HDAC9: variants seen among roughly 807,000 people sequenced by gnomAD.
HDAC9 encodes the protein histone deacetylase 9.
Under a neutral mutation model 139.4 loss-of-function variants are expected in HDAC9, and 41 were observed. The ratio of observed to expected loss-of-function variants is 0.29; its 90% CI spans 0.23 to 0.38. The LOEUF (loss-of-function observed/expected upper bound fraction) is 0.38. HDAC9 is among the 10% of genes least tolerant of loss of function. HDAC9 has a pLI of 1.00. For missense variants in HDAC9, 1,147 were observed against 1,297.0 expected (o/e 0.88, Z 1.78); for synonymous variants, 517 against 476.2 (o/e 1.09, Z -1.12).
intron 24 of HDAC9, among the ~76,000 whole-genome samples, chr7:18,957,367 G>T (rs888800252): frequency 6.6e-6 from 1 of 152,062 alleles, no homozygotes; most frequent in Non-Finnish European, 1.5e-5. Context: ...CTTCATAATG[G>T]CTTGGGAAAT....
chr7:18,750,163 A>T (rs1788318280), intron 14 of HDAC9, among the ~76,000 whole-genome samples: 1 of 152,218 alleles, frequency 6.6e-6, no homozygotes, highest in African/African-American at 2.4e-5. Flanking sequence ...GAGTTACATC[A>T]ATCTGATCCC....
chr7:18,921,560 T>C (rs1369624998), intron 22 of HDAC9, among the ~76,000 whole-genome samples: 1 of 152,116 alleles, frequency 6.6e-6, no homozygotes, highest in East Asian at 1.9e-4. Context: ...ATGGCAATCA[T>C]TAAAAAGTCA....
intron 11 of HDAC9, among the ~76,000 whole-genome samples, chr7:18,658,256 C>T (rs904417691): frequency 1.3e-5 from 2 of 152,056 alleles, no homozygotes; most frequent in Non-Finnish European, 2.9e-5. Flanking sequence ...TTTCCTAAGG[C>T]CTGGCATATA....
chr7:18,634,699 C>T lies in HDAC9; in HGVS notation c.869C>T (p.Thr290Ile), dbSNP rs1016302897. Residue 290 changes from threonine (T) to isoleucine (I), a missense_variant, in exon 8 of 26, where the codon ACT (threonine) becomes ATT (isoleucine). By Grantham distance (89) the Thr-to-Ile change is moderately conservative. Around this residue, in one of 7 missense-constraint regions of HDAC9, gnomAD observed 264 missense variants for 273.8 expected, o/e 0.96. Transcript: ENST00000686413. ...SPNNGPTGSV[T>I]ENETSVLPPT... ...AACAATGGGCCAACTGGAAGTGTTA[C>T]TGAAAATGAGACTTCGGTTTTGCCC... The T allele has an allele frequency of 1.3e-6, 2 of 1,599,030 alleles. No homozygotes were observed. Among genetic ancestry groups the T allele is most frequent in the East Asian group, 4.5e-5 (2 of 44,276 alleles).
intron 2 of HDAC9, among the ~76,000 whole-genome samples, chr7:18,204,120 T>TA (rs200316321): frequency 2.6e-5 from 4 of 151,950 alleles, no homozygotes; most frequent in Non-Finnish European, 4.4e-5. Context: ...TGGGGAAAGG[T>TA]AAAAAAAATT....
chr7:18,940,376 A>G (rs553009135), intron 23 of HDAC9, among the ~76,000 whole-genome samples: 17 of 152,304 alleles, frequency 1.1e-4, no homozygotes, highest in African/African-American at 4.1e-4. Context: ...TAATTTGAGC[A>G]TGGTACAGGA....
chr7:18,723,629 C>T (rs931262968), intron 12 of HDAC9, among the ~76,000 whole-genome samples: 1 of 152,040 alleles, frequency 6.6e-6, no homozygotes, highest in Non-Finnish European at 1.5e-5. Context: ...TATGATGTAA[C>T]ATTTATAAAA....
At chr7:18,779,565 G>C (rs1001950199) in intron 16 of HDAC9, among the ~76,000 whole-genome samples, 7 of 152,014 alleles carry the variant, frequency 4.6e-5, no homozygotes, top group African/African-American at 1.7e-4. Context: ...ATCCTGCCCA[G>C]CCTGAGTCTG....
intron 14 of HDAC9, among the ~76,000 whole-genome samples, chr7:18,754,645 G>A (rs868184473): frequency 5.3e-5 from 8 of 152,190 alleles, no homozygotes; most frequent in South Asian, 2.1e-4. Flanking sequence ...TGTTTAACTC[G>A]TTTATTCAAG....
In HDAC9 at chr7:18,821,419, A is replaced by T. The variant is rs138773775; in HGVS notation, c.2323-7742A>T. 5.3e-3 allele frequency among the ~76,000 whole-genome samples: 806 copies of T among 152,280 alleles called. 7 individuals carry two copies. The highest frequency in any genetic ancestry group is 0.019 in the African/African-American group (770 of 41,552). On this transcript the variant is annotated intron_variant, in intron 17 of 25. Coordinates refer to ENST00000686413, the MANE Select transcript of HDAC9 (RefSeq NM_178425.4). ...ATTCAGGCAAAGGGAGGGAGTGGGT[A>T]AGTGGAAGACATCCCACATAGAACT... is the stretch of plus-strand genomic sequence containing the variant.
intron 2 of HDAC9, among the ~76,000 whole-genome samples, chr7:18,539,039 G>A (rs117620945): frequency 6.6e-6 from 1 of 152,024 alleles, no homozygotes; most frequent in Admixed American, 6.6e-5. Flanking sequence ...CTACCCTGAT[G>A]ACCTTATCTC....
intron 2 of HDAC9, among the ~76,000 whole-genome samples, chr7:18,499,723 A>G (rs1006298595): frequency 6.6e-6 from 1 of 152,308 alleles, no homozygotes; most frequent in Non-Finnish European, 1.5e-5. Flanking sequence ...AATGTAAGAT[A>G]TATTTACAAT....
intron 2 of HDAC9, among the ~76,000 whole-genome samples, chr7:18,577,964 C>T (rs1826529018): frequency 1.3e-5 from 2 of 152,062 alleles, no homozygotes; most frequent in South Asian, 2.1e-4. Context: ...GCAGCTGTCC[C>T]CTCTCCCCAA....
intron 2 of HDAC9, among the ~76,000 whole-genome samples, chr7:18,245,445 G>A (rs1475534403): frequency 1.3e-5 from 2 of 152,080 alleles, no homozygotes; most frequent in Non-Finnish European, 2.9e-5. Flanking sequence ...AAAAACTCTA[G>A]CTCAGTAGCC....
intron 13 of HDAC9, among the ~76,000 whole-genome samples, chr7:18,742,717 A>G (rs897814967): frequency 2.6e-5 from 4 of 151,414 alleles, no homozygotes; most frequent in Non-Finnish European, 4.4e-5. Context: ...CCTTTCCTTT[A>G]TATTCTGGAG....
rs73307453 is a variant in HDAC9 at position 18,413,489 on chromosome 7, T to A, written c.-41-82773T>A. Among the ~76,000 whole-genome samples, 348 of 152,230 alleles carry A rather than the reference T, an allele frequency of 2.3e-3. 1 individual carries two copies. The highest frequency in any genetic ancestry group is 8.1e-3 in the African/African-American group (337 of 41,546). Reference sequence around the variant, plus strand: ...CCCCCACTTAAAGATACACAAGACTTAAGACTTAAACTGTTGAGCATTTTC... The same window carrying A: ...CCCCCACTTAAAGATACACAAGACTAAAGACTTAAACTGTTGAGCATTTTC... On this transcript the variant is annotated intron_variant, in intron 1 of 3. Transcript: ENST00000413509.
intron 24 of HDAC9, among the ~76,000 whole-genome samples, chr7:18,959,829 T>C (rs1195083360): frequency 6.6e-6 from 1 of 152,174 alleles, no homozygotes; most frequent in African/African-American, 2.4e-5. Context: ...TTGAGGTCTT[T>C]TTAGAATTTC....
intron 13 of HDAC9, among the ~76,000 whole-genome samples, chr7:18,744,578 A>G (rs1171412861): frequency 6.6e-6 from 1 of 152,158 alleles, no homozygotes; most frequent in Non-Finnish European, 1.5e-5. Flanking sequence ...TTTAGTCCAA[A>G]TGTTCTAAAC....
At chr7:18,486,589 G>C (rs1194727576) in intron 1 of HDAC9, among the ~76,000 whole-genome samples, 1 of 152,106 alleles carries the variant, frequency 6.6e-6, no homozygotes, top group Admixed American at 6.6e-5. Flanking sequence ...TAAGAGCATA[G>C]AAACAATTGT....
Sources: allele counts gnomAD v4.1 joint callset (sites outside exome capture counted in the v4.1 genomes callset), GRCh38; gene constraint gnomAD v4.1.1; regional missense constraint gnomAD v4.1.1; transcripts MANE v1.5; gene names NCBI Gene and HGNC (gene_info 2026-07-23, HGNC 2026-07-21).